The following TAS2R1 variants were observed in gnomAD, a reference collection of about 807,000 sequenced individuals.
The protein encoded by TAS2R1 is taste receptor type 2 member 1.
For missense variants in TAS2R1, 370 were observed against 353.4 expected (o/e 1.05, Z -0.38); for synonymous variants, 141 against 134.2 (o/e 1.05, Z -0.35).
At chr5:9,666,167 G>T (rs1199529047) in intron 1 of TAS2R1, among the ~76,000 whole-genome samples, 1 of 152,092 alleles carries the variant, frequency 6.6e-6, no homozygotes, top group Non-Finnish European at 1.5e-5. Context: ...ATGTTTAAAA[G>T]CTTTTGTTTT....
At chr5:9,750,264 T>G in the TAS2R1 span, among the ~76,000 whole-genome samples, 1 of 152,166 alleles carries the variant, frequency 6.6e-6, no homozygotes, top group African/African-American at 2.4e-5. Context: ...ACTTGCTCCC[T>G]TCCCTTGCCT....
At chr5:9,724,922 GCAAGTGTGTGC>G in the TAS2R1 span, among the ~76,000 whole-genome samples, 3 of 152,258 alleles carry the variant, frequency 2.0e-5, no homozygotes. Flanking sequence ...ATAGAACCAT[GCAAGTGTGTGC>G]ATTAAGCCCT....
the TAS2R1 span, among the ~76,000 whole-genome samples, chr5:9,883,519 A>T: frequency 2.6e-5 from 4 of 152,258 alleles, no homozygotes; most frequent in East Asian, 5.8e-4. Flanking sequence ...AGAATTTGGT[A>T]ACAGTTATTG....
At chr5:9,828,341 G>C in the TAS2R1 span, among the ~76,000 whole-genome samples, 1 of 152,126 alleles carries the variant, frequency 6.6e-6, no homozygotes, top group South Asian at 2.1e-4. Context: ...GGCCAGGCTG[G>C]TCTCGAGCTC....
At chr5:9,698,503 A>G (rs1741410368) in intron 1 of TAS2R1, among the ~76,000 whole-genome samples, 1 of 152,190 alleles carries the variant, frequency 6.6e-6, no homozygotes, top group African/African-American at 2.4e-5. Flanking sequence ...TTTCTGTTAA[A>G]GTTGTCGTGT....
At chr5:9,663,342 T>C (rs1740573524) in intron 1 of TAS2R1, among the ~76,000 whole-genome samples, 1 of 152,172 alleles carries the variant, frequency 6.6e-6, no homozygotes, top group African/African-American at 2.4e-5. Flanking sequence ...ATATTTTAAT[T>C]GTATTATATT....
chr5:9,853,610 G>C, the TAS2R1 span, among the ~76,000 whole-genome samples: 35 of 152,224 alleles, frequency 2.3e-4, no homozygotes, highest in African/African-American at 7.9e-4. Context: ...ATCTGGTCCA[G>C]AGTCAAGTCC....
At chr5:9,858,998 G>A in the TAS2R1 span, among the ~76,000 whole-genome samples, 12 of 152,184 alleles carry the variant, frequency 7.9e-5, no homozygotes, top group African/African-American at 2.2e-4. Flanking sequence ...TTCCACTCAC[G>A]GAGAGGTAGA....
the TAS2R1 span, among the ~76,000 whole-genome samples, chr5:9,879,556 C>T: frequency 1.3e-5 from 2 of 152,216 alleles, no homozygotes; most frequent in Admixed American, 6.5e-5. Flanking sequence ...TCATGCTCAG[C>T]CCTCGACGCA....
At chr5:9,866,253 G>T in the TAS2R1 span, among the ~76,000 whole-genome samples, 2,516 of 152,054 alleles carry the variant, frequency 0.017, 56 homozygotes, top group African/African-American at 0.056. Context: ...TATGGTTTCT[G>T]GTTCTCTGCT....
the TAS2R1 span, among the ~76,000 whole-genome samples, chr5:9,849,184 T>C: frequency 6.6e-6 from 1 of 152,184 alleles, no homozygotes; most frequent in South Asian, 2.1e-4. Context: ...AAAAGACACA[T>C]GGATCAGAAT....
intron 1 of TAS2R1, among the ~76,000 whole-genome samples, chr5:9,702,432 AG>A (rs1561383479): frequency 1.3e-5 from 2 of 152,176 alleles, no homozygotes; most frequent in Non-Finnish European, 2.9e-5. Flanking sequence ...TAAAATGCAC[AG>A]GACAGCCCCT....
the TAS2R1 span, among the ~76,000 whole-genome samples, chr5:9,725,560 C>G: frequency 6.6e-6 from 1 of 152,196 alleles, no homozygotes; most frequent in African/African-American, 2.4e-5. Flanking sequence ...CCCCACGGGG[C>G]AGGGCTCGGG....
At chr5:9,822,345 ATTTTTTTT>A in the TAS2R1 span, among the ~76,000 whole-genome samples, 5 of 109,766 alleles carry the variant, frequency 4.6e-5, no homozygotes, top group African/African-American at 1.4e-4. Context: ...TGCATGTGTA[ATTTTTTTT>A]TTTTTTTTTT....
chr5:9,818,923 C>T, the TAS2R1 span, among the ~76,000 whole-genome samples: 1 of 152,204 alleles, frequency 6.6e-6, no homozygotes, highest in East Asian at 1.9e-4. Context: ...CAAGGGCTCT[C>T]AGCTCACACA....
At chr5:9,871,463 T>C in the TAS2R1 span, among the ~76,000 whole-genome samples, 4 of 152,160 alleles carry the variant, frequency 2.6e-5, no homozygotes, top group Admixed American at 6.5e-5. Flanking sequence ...CATGCCACAG[T>C]GTCCACTCTG....
intron 1 of TAS2R1, among the ~76,000 whole-genome samples, chr5:9,698,512 G>A (rs535275010): frequency 6.6e-6 from 1 of 152,098 alleles, no homozygotes; most frequent in East Asian, 1.9e-4. Context: ...AAGTTGTCGT[G>A]TTTTATCTTG....
the TAS2R1 span, among the ~76,000 whole-genome samples, chr5:9,762,455 C>T: frequency 0.055 from 8,351 of 152,220 alleles, 621 homozygotes; most frequent in East Asian, 0.26. Flanking sequence ...GCATTCCACA[C>T]GAAAATGTAT....
the TAS2R1 span, chr5:9,863,206 G>C: frequency 6.6e-6 from 1 of 151,794 alleles, no homozygotes; most frequent in Non-Finnish European, 1.5e-5. Context: ...TCTGATACAG[G>C]CTTCGCTGAC....
Sources: allele counts gnomAD v4.1 joint callset (sites outside exome capture counted in the v4.1 genomes callset), GRCh38; gene constraint gnomAD v4.1.1; transcripts MANE v1.5; gene names NCBI Gene and HGNC (gene_info 2026-07-23, HGNC 2026-07-21).